Variants in TLL1 observed in about 807,000 individuals in gnomAD.
TLL1 encodes the protein tolloid-like protein 1.
In TLL1, 49 loss-of-function variants were observed where a neutral mutation model predicts 128.2. That is an observed-to-expected ratio of 0.38 (90% CI 0.30 to 0.48). The LOEUF (loss-of-function observed/expected upper bound fraction) is 0.48, where lower values mean the gene tolerates loss of function less well. Ranked by LOEUF, TLL1 falls within the 20% of genes least tolerant of loss-of-function variation. The pLI is 0.96. For missense variants in TLL1, 1,123 were observed against 1,242.0 expected (o/e 0.90, Z 1.44); for synonymous variants, 454 against 418.8 (o/e 1.08, Z -1.03).
In TLL1 at chr4:165,923,421, CTTTTTTT is replaced by C. The variant is rs758162016; in HGVS notation, c.169+49367_169+49373del. Among the ~76,000 whole-genome samples the C allele has an allele frequency of 8.2e-3, 581 of 70,860 alleles. 5 individuals are homozygous for C. The highest frequency in any genetic ancestry group is 0.028 in the African/African-American group (527 of 18,966). The allele number at this position is 70,860 out of a possible 152,430, so 46.5% of individuals were successfully genotyped here. A position where few individuals can be genotyped will look rare whatever the true frequency, so the allele number is the denominator to read the frequency against. ...AAGTGCATCGGAAATATAGGTATAC[CTTTTTTT>C]TTTTTTTTTTTTTTTTTTGAGACAG... is the stretch of plus-strand genomic sequence containing the variant. On this transcript the variant is annotated intron_variant, in intron 1 of 20. Coordinates refer to ENST00000061240, the MANE Select transcript of TLL1 (RefSeq NM_012464.5).
intron 1 of TLL1, among the ~76,000 whole-genome samples, chr4:165,933,062 T>C (rs1733600453): frequency 6.6e-6 from 1 of 152,252 alleles, no homozygotes; most frequent in African/African-American, 2.4e-5. Flanking sequence ...TATACTGTAC[T>C]ATATGTGCAA....
intron 1 of TLL1, among the ~76,000 whole-genome samples, chr4:165,894,422 C>T (rs911189138): frequency 6.6e-6 from 1 of 152,138 alleles, no homozygotes; most frequent in East Asian, 1.9e-4. Context: ...AACGGAGTAA[C>T]ATCTTTAAAT....
At chr4:166,014,778 A>T (rs1737860659) in intron 8 of TLL1, among the ~76,000 whole-genome samples, 1 of 152,034 alleles carries the variant, frequency 6.6e-6, no homozygotes. Flanking sequence ...GTTCAAACAC[A>T]GGGATAGTAT....
intron 19 of TLL1, among the ~76,000 whole-genome samples, chr4:166,097,455 A>G (rs1161021145): frequency 2.0e-5 from 3 of 152,112 alleles, no homozygotes; most frequent in Non-Finnish European, 2.9e-5. Context: ...TTCACTGTGT[A>G]ACACAGCCCA....
intron 8 of TLL1, among the ~76,000 whole-genome samples, chr4:166,020,703 T>C (rs1057346259): frequency 6.6e-6 from 1 of 152,208 alleles, no homozygotes; most frequent in African/African-American, 2.4e-5. Flanking sequence ...CATGACCTTT[T>C]GCTTATAACT....
chr4:166,058,372 A>G (rs903059642), intron 14 of TLL1, among the ~76,000 whole-genome samples: 3 of 152,170 alleles, frequency 2.0e-5, no homozygotes, highest in Admixed American at 2.0e-4. Flanking sequence ...AGTTAGAATC[A>G]TCTTTGTATC....
chr4:166,058,289 T>G (rs1740125363), intron 14 of TLL1, among the ~76,000 whole-genome samples: 1 of 152,162 alleles, frequency 6.6e-6, no homozygotes, highest in Non-Finnish European at 1.5e-5. Flanking sequence ...CATCTGTCTA[T>G]CCATCATTTG....
intron 1 of TLL1, among the ~76,000 whole-genome samples, chr4:165,898,038 A>T (rs1045324594): frequency 6.6e-6 from 1 of 151,974 alleles, no homozygotes; most frequent in Non-Finnish European, 1.5e-5. Context: ...TTTGTCTGTT[A>T]TTGGTGTATA....
intron 1 of TLL1, among the ~76,000 whole-genome samples, chr4:165,898,371 A>T (rs185470133): frequency 1.7e-3 from 260 of 152,346 alleles, no homozygotes; most frequent in Non-Finnish European, 2.9e-3. Flanking sequence ...TGGGTTTTTC[A>T]TAAATAGCTC....
intron 1 of TLL1, among the ~76,000 whole-genome samples, chr4:165,920,399 C>T (rs1247013620): frequency 6.6e-6 from 1 of 152,134 alleles, no homozygotes; most frequent in African/African-American, 2.4e-5. Context: ...GTTAATACAG[C>T]TTTATATCAT....
At chr4:165,990,913 C>T (rs1736609635) in intron 2 of TLL1, among the ~76,000 whole-genome samples, 4 of 151,900 alleles carry the variant, frequency 2.6e-5, no homozygotes, top group African/African-American at 9.7e-5. Flanking sequence ...GCAGTGTCAC[C>T]ACAGATAGCG....
intron 1 of TLL1, among the ~76,000 whole-genome samples, chr4:165,946,089 C>T (rs1435518051): frequency 6.6e-6 from 1 of 152,052 alleles, no homozygotes; most frequent in Admixed American, 6.6e-5. Context: ...TGCACGTGGC[C>T]TTAAGGAGCT....
At chr4:166,071,246 G>A (rs1043387442) in intron 16 of TLL1, among the ~76,000 whole-genome samples, 1 of 151,854 alleles carries the variant, frequency 6.6e-6, no homozygotes, top group East Asian at 1.9e-4. Flanking sequence ...CTTGATACAG[G>A]TTGCAACTTC....
intron 1 of TLL1, among the ~76,000 whole-genome samples, chr4:165,963,209 A>G (rs556726157): frequency 1.1e-4 from 16 of 152,206 alleles, no homozygotes; most frequent in Non-Finnish European, 1.9e-4. Flanking sequence ...AAAACTATCT[A>G]TTGGGTACTA....
At chr4:165,985,354 G>A (rs79291111) in intron 1 of TLL1, among the ~76,000 whole-genome samples, 2,236 of 152,036 alleles carry the variant, frequency 0.015, 75 homozygotes, top group East Asian at 0.14. Flanking sequence ...ATATCTTAGT[G>A]TTAATTCAAA....
chr4:166,020,945 CAAAG>C (rs1300038765), intron 8 of TLL1, among the ~76,000 whole-genome samples: 2 of 152,042 alleles, frequency 1.3e-5, no homozygotes, highest in African/African-American at 4.8e-5. Flanking sequence ...TTTTAATAAA[CAAAG>C]AATACTTATA....
At chr4:166,037,676 C>T (rs191854497) in intron 9 of TLL1, among the ~76,000 whole-genome samples, 5 of 151,904 alleles carry the variant, frequency 3.3e-5, no homozygotes, top group East Asian at 1.9e-4. Context: ...GACGTGGTGG[C>T]GGGCACCTGT....
intron 15 of TLL1, among the ~76,000 whole-genome samples, chr4:166,061,506 A>G (rs1413305279): frequency 1.3e-5 from 2 of 151,938 alleles, no homozygotes; most frequent in Non-Finnish European, 2.9e-5. Flanking sequence ...CAGCCTCCAG[A>G]AGTGCTGGGA....
chr4:165,874,655 A>AT (rs1730643683), intron 1 of TLL1, among the ~76,000 whole-genome samples: 3 of 152,212 alleles, frequency 2.0e-5, no homozygotes, highest in African/African-American at 7.2e-5. Context: ...ATTCTGATGC[A>AT]TTTGCCCATT....
Sources: gnomAD v4.1 joint callset for allele counts (sites outside exome capture counted in the v4.1 genomes callset) on GRCh38, gnomAD v4.1.1 for gene constraint, MANE v1.5 for transcripts, NCBI Gene and HGNC (gene_info 2026-07-23, HGNC 2026-07-21) for gene names.